The following RYR2 variants were observed in gnomAD, a reference collection of about 807,000 sequenced individuals.
RYR2 encodes the protein cardiac muscle ryanodine receptor-calcium release channel.
In RYR2, 227 loss-of-function variants were observed where a neutral mutation model predicts 601.1. The observed-to-expected ratio is 0.38, with a 90% CI of 0.34 to 0.42. RYR2 has a LOEUF of 0.42. RYR2 is among the 10% of genes least tolerant of loss of function. RYR2 has a pLI of 1.00. For synonymous variants in RYR2, 2,223 were observed against 2,175.1 expected (o/e 1.02, Z -0.61); for missense variants, 4,646 against 6,156.5 (o/e 0.75, Z 8.21).
chr1:237,536,364 G>A (rs147989798), intron 25 of RYR2, among the ~76,000 whole-genome samples: 2,307 of 152,274 alleles, frequency 0.015, 31 homozygotes, highest in East Asian at 0.063. Flanking sequence ...AAGGTCAGGA[G>A]ATTGAGACCA....
intron 1 of RYR2, among the ~76,000 whole-genome samples, chr1:237,091,192 T>TG (rs559447305): frequency 7.6e-4 from 115 of 152,214 alleles, no homozygotes; most frequent in Middle Eastern, 3.4e-3. Context: ...TGCTAACTAC[T>TG]GGGGGGTTCT....
chr1:237,481,161 T>TCTCA (rs148016693), intron 17 of RYR2, among the ~76,000 whole-genome samples: 58,615 of 149,050 alleles, frequency 0.39, 16,579 homozygotes, highest in African/African-American at 0.81. Context: ...AATTTATTTT[T>TCTCA]CTCTATTTCT....
intron 32 of RYR2, among the ~76,000 whole-genome samples, chr1:237,592,980 C>A (rs1675391127): frequency 6.7e-6 from 1 of 148,650 alleles, no homozygotes. Flanking sequence ...GAGATCACAC[C>A]ACTACACCCC....
intron 14 of RYR2, among the ~76,000 whole-genome samples, chr1:237,454,144 C>T (rs1447843384): frequency 1.3e-5 from 2 of 152,110 alleles, no homozygotes; most frequent in Non-Finnish European, 2.9e-5. Context: ...AGACACTGTT[C>T]CTGTAGCCTA....
intron 99 of RYR2, among the ~76,000 whole-genome samples, chr1:237,808,641 A>G (rs1660909441): frequency 6.8e-6 from 1 of 146,546 alleles, no homozygotes; most frequent in South Asian, 2.2e-4. Flanking sequence ...GCCTGGTGAC[A>G]GAAACTCTGT....
At chr1:237,590,577 C>G (rs554413425) in intron 30 of RYR2, 63 bp from the exon 31 acceptor site, 16 of 1,371,810 alleles carry the variant, frequency 1.2e-5, no homozygotes, top group Non-Finnish European at 1.6e-5. Context: ...CCTTAGTCAT[C>G]TTTAGAATCA....
At chr1:237,507,223 C>T (rs1665362023) in intron 23 of RYR2, among the ~76,000 whole-genome samples, 1 of 152,168 alleles carries the variant, frequency 6.6e-6, no homozygotes, top group Non-Finnish European at 1.5e-5. Context: ...TCTTTCAGTT[C>T]CAATTGTGTG....
chr1:237,148,670 G>A (rs920041264), intron 1 of RYR2, among the ~76,000 whole-genome samples: 2 of 151,342 alleles, frequency 1.3e-5, no homozygotes, highest in African/African-American at 2.4e-5. Context: ...AAGATTTTGG[G>A]TTTTGAAGCC....
chr1:237,814,641 C>G (rs1051605206), intron 100 of RYR2, among the ~76,000 whole-genome samples: 2 of 151,576 alleles, frequency 1.3e-5, no homozygotes, highest in Non-Finnish European at 2.9e-5. Flanking sequence ...ACCTCCTCTA[C>G]AAGAATGTAG....
intron 80 of RYR2, among the ~76,000 whole-genome samples, chr1:237,749,526 C>T (rs1692365670): frequency 1.3e-5 from 2 of 152,076 alleles, no homozygotes; most frequent in African/African-American, 2.4e-5. Flanking sequence ...GTGTGGTGAA[C>T]ATAAACAACA....
intron 94 of RYR2, among the ~76,000 whole-genome samples, chr1:237,793,387 C>T (rs568500760): frequency 5.6e-4 from 85 of 152,238 alleles, no homozygotes; most frequent in African/African-American, 1.9e-3. Context: ...CAGATTTTTG[C>T]TGATGTCGAA....
chr1:237,649,563 T>G (rs917749324), intron 49 of RYR2, among the ~76,000 whole-genome samples: 3 of 152,162 alleles, frequency 2.0e-5, no homozygotes, highest in African/African-American at 7.2e-5. Context: ...TACTCACATC[T>G]GTGATATTAT....
rs1347991904 is a variant in RYR2 at position 237,648,532 on chromosome 1, G to A, written c.7431G>A (p.Gly2477=). The change falls in exon 49 of 105, where the codon GGG becomes GGA. Residue 2477 remains glycine, a synonymous_variant. Transcript: ENST00000366574. ...AMVLFLDRVY[G]IEVQDFLLHL... ...TTTTATTCCTTGACAGGGTCTATGG[G>A]ATTGAGGTTCAAGACTTCCTCCTCC... The A allele has an allele frequency of 2.5e-6, 4 of 1,611,568 alleles. No individual in the cohort carries two copies. The East Asian group carries it at 8.9e-5, about 36-fold the overall frequency.
chr1:237,246,205 C>G (rs1371968660), intron 1 of RYR2, among the ~76,000 whole-genome samples: 1 of 152,190 alleles, frequency 6.6e-6, no homozygotes, highest in Non-Finnish European at 1.5e-5. Context: ...CAGCGATTCT[C>G]CTGCCTCAGC....
rs746302767 is a variant in RYR2, at chr1:237,617,444, A to C, written c.5874A>C (p.Thr1958=). Residue 1958 remains threonine (T), a synonymous_variant, in exon 38 of 105, where the codon ACA becomes ACC. Transcript: ENST00000366574. ...CCTTAAACATGTCAGCTGCACTCAC[A>C]GCCAGGAAGACAAAGGAATTTAGAT... The part of the protein sequence containing the change: ...MQALNMSAAL[T]ARKTKEFRSP... The C allele has an allele frequency of 1.9e-6, 3 of 1,613,840 alleles. No homozygotes were observed. The Admixed American group carries it at 5.0e-5, about 27-fold the overall frequency.
chr1:237,604,456 A>G (rs955376459), intron 35 of RYR2, among the ~76,000 whole-genome samples: 3 of 152,230 alleles, frequency 2.0e-5, no homozygotes, highest in African/African-American at 7.2e-5. Flanking sequence ...ACTAATGCCC[A>G]CAAGAGAGAG....
intron 13 of RYR2, among the ~76,000 whole-genome samples, chr1:237,442,381 A>G (rs548912437): frequency 5.3e-5 from 8 of 152,314 alleles, no homozygotes; most frequent in African/African-American, 1.7e-4. Context: ...ATAACCATCC[A>G]CATACCCTTG....
At chr1:237,732,181 G>C in intron 78 of RYR2, 32 bp downstream of exon 78, 2 of 1,362,006 alleles carry the variant, frequency 1.5e-6, no homozygotes, top group Non-Finnish European at 1.0e-6. Context: ...TGAGACATAG[G>C]AGGAGCAAAT....
chr1:237,363,173 G>A (rs1473777592), intron 4 of RYR2, among the ~76,000 whole-genome samples: 1 of 151,880 alleles, frequency 6.6e-6, no homozygotes, highest in Middle Eastern at 3.4e-3. Flanking sequence ...TTTGAATTAA[G>A]GCTTAATAAT....
Sources: allele counts gnomAD v4.1 joint callset (sites outside exome capture counted in the v4.1 genomes callset), GRCh38; gene constraint gnomAD v4.1.1; transcripts MANE v1.5; gene names NCBI Gene and HGNC (gene_info 2026-07-23, HGNC 2026-07-21).